The following CDH23 variants were observed in gnomAD, a reference collection of about 807,000 sequenced individuals.
CDH23 encodes cadherin related 23.
In CDH23, 189 loss-of-function variants were observed where a neutral mutation model predicts 317.1. The ratio of observed to expected loss-of-function variants is 0.60; its 90% confidence interval spans 0.53 to 0.67. CDH23 has a LOEUF of 0.67. Among genes scored for constraint, CDH23 ranks in the 30% least tolerant of loss-of-function variants. CDH23 has a pLI of 0.00. For synonymous variants in CDH23, 1,839 were observed against 1,876.8 expected (o/e 0.98, Z 0.52); for missense variants, 4,401 against 4,592.4 (o/e 0.96, Z 1.20).
chr10:71,444,152 G>A (rs1406631405), intron 2 of CDH23, among the ~76,000 whole-genome samples: 2 of 152,348 alleles, frequency 1.3e-5, no homozygotes, highest in African/African-American at 2.4e-5. Flanking sequence ...AAGCCTTCCC[G>A]TCGGCTGCAA....
chr10:71,685,573 A>T (rs1864840429), intron 18 of CDH23, among the ~76,000 whole-genome samples: 1 of 152,238 alleles, frequency 6.6e-6, no homozygotes. Context: ...TTGGGAAGCC[A>T]GGGTGTGCCC....
chr10:71,573,441 G>C (rs11596473), intron 8 of CDH23, among the ~76,000 whole-genome samples: 1,867 of 152,266 alleles, frequency 0.012, 23 homozygotes, highest in Non-Finnish European at 0.018. Flanking sequence ...CATTGATGCG[G>C]CTGGTCCCAT....
At chr10:71,515,046 C>T (rs1854209208) in intron 6 of CDH23, among the ~76,000 whole-genome samples, 2 of 152,222 alleles carry the variant, frequency 1.3e-5, no homozygotes, top group African/African-American at 4.8e-5. Flanking sequence ...CTCAGCCCTC[C>T]AGTGTGCCCC....
Position 71,791,220 on chromosome 10 carries a change from C to A in CDH23, c.6138C>A (p.Ile2046=), listed in dbSNP as rs568741210. The A allele has an allele frequency of 6.2e-7, 1 of 1,613,682 alleles. No individual in the cohort carries two copies. Among genetic ancestry groups the A allele is most frequent in the East Asian group, 2.2e-5 (1 of 44,872 alleles). ...ILELLLLAED[I]GLLNSTAHLL... The stretch of plus-strand genomic sequence containing the variant: ...AGCTGCTGCTGCTGGCTGAGGACAT[C>A]GGGCTGCTCAACAGCACGGCCCACC... Residue 2046 remains isoleucine (I), a synonymous_variant, in exon 47 of 70, where the codon ATC becomes ATA. Transcript: ENST00000224721.
chr10:71,432,248 A>G (rs776858522), intron 1 of CDH23, among the ~76,000 whole-genome samples: 10 of 149,030 alleles, frequency 6.7e-5, no homozygotes, highest in South Asian at 2.1e-4. Context: ...GTGTGTGTGC[A>G]TGTGTTTGAG....
At chr10:71,589,677 G>A (rs1401658906) in intron 9 of CDH23, among the ~76,000 whole-genome samples, 2 of 152,240 alleles carry the variant, frequency 1.3e-5, no homozygotes, top group Admixed American at 6.5e-5. Flanking sequence ...TGGGGAGATG[G>A]TGAGGAAGAA....
chr10:71,502,783 G>T (rs1853410400), intron 3 of CDH23, among the ~76,000 whole-genome samples: 1 of 152,208 alleles, frequency 6.6e-6, no homozygotes, highest in Admixed American at 6.5e-5. Context: ...GTGCTTTAAG[G>T]AGATGCTGCT....
At chr10:71,715,368 C>T (rs1002877181) in intron 28 of CDH23, 2 of 152,208 alleles carry the variant, frequency 1.3e-5, no homozygotes, top group Non-Finnish European at 2.9e-5. Context: ...ATCTGTTCCA[C>T]CAGGAGGGAG....
chr10:71,634,888 A>AC (rs1462971110), intron 11 of CDH23, among the ~76,000 whole-genome samples: 4 of 152,140 alleles, frequency 2.6e-5, no homozygotes, highest in African/African-American at 9.7e-5. Context: ...GGGGAGCCTC[A>AC]CCCTCCTGGC....
intron 1 of CDH23, among the ~76,000 whole-genome samples, chr10:71,404,680 C>T (rs1848015004): frequency 6.6e-6 from 1 of 152,226 alleles, no homozygotes; most frequent in Admixed American, 6.5e-5. Flanking sequence ...GCGGGCATGC[C>T]TTGTCTTTCA....
In CDH23 at chr10:71,705,042, C is replaced by G. The variant is rs79636933; in HGVS notation, c.2865C>G (p.Arg955=). The change falls in exon 25 of 70, where the codon CGC becomes CGG. Residue 955 remains arginine, a synonymous_variant. Coordinates refer to ENST00000224721, the MANE Select transcript of CDH23 (RefSeq NM_022124.6). Reference sequence around the variant, plus strand: ...TGGTCACCACCACCGAGCTGGACCGCGAGCGCATCGCGGAGTACCAGCTGC... The same window carrying G: ...TGGTCACCACCACCGAGCTGGACCGGGAGCGCATCGCGGAGTACCAGCTGC... The part of the protein sequence containing the change: ...GVVVTTTELD[R]ERIAEYQLRV... 9 of 1,612,582 alleles carry G rather than the reference C, an allele frequency of 5.6e-6. No homozygotes were observed. The East Asian group carries it at 2.0e-4, about 36-fold the overall frequency.
At chr10:71,656,318 A>T (rs1040746817) in intron 14 of CDH23, among the ~76,000 whole-genome samples, 1 of 152,218 alleles carries the variant, frequency 6.6e-6, no homozygotes, top group Non-Finnish European at 1.5e-5. Flanking sequence ...ACTTCTGGGC[A>T]GGGCCAGGTG....
At chr10:71,615,455 C>G (rs1422423989) in intron 9 of CDH23, 49 bp from the exon 10 acceptor site, 2 of 1,217,984 alleles carry the variant, frequency 1.6e-6, no homozygotes, top group South Asian at 1.2e-5. Context: ...CAGCTCCATG[C>G]CCCCCTGCCC....
At chr10:71,665,420 A>T (rs1863845236) in intron 14 of CDH23, among the ~76,000 whole-genome samples, 1 of 152,178 alleles carries the variant, frequency 6.6e-6, no homozygotes. Context: ...GTTTGCTTTT[A>T]CAAATGCAAG....
intron 11 of CDH23, among the ~76,000 whole-genome samples, chr10:71,617,849 G>A (rs952055133): frequency 9.2e-5 from 14 of 152,020 alleles, no homozygotes; most frequent in South Asian, 8.3e-4. Context: ...AAAATTAGCC[G>A]GGCGTGGTGG....
chr10:71,595,839 C>T (rs1366526961), intron 9 of CDH23, among the ~76,000 whole-genome samples: 3 of 152,222 alleles, frequency 2.0e-5, no homozygotes, highest in Non-Finnish European at 4.4e-5. Flanking sequence ...ACCACCCACA[C>T]CCATATCCAA....
At chr10:71,423,880 G>A (rs1003717278) in intron 1 of CDH23, among the ~76,000 whole-genome samples, 7 of 152,200 alleles carry the variant, frequency 4.6e-5, no homozygotes, top group African/African-American at 1.7e-4. Context: ...GCCTGGTCTG[G>A]GTCTGCCCTG....
intron 38 of CDH23, among the ~76,000 whole-genome samples, chr10:71,747,396 C>T (rs574420318): frequency 3.9e-5 from 6 of 152,338 alleles, no homozygotes; most frequent in South Asian, 2.1e-4. Flanking sequence ...CAGATAGGAA[C>T]GTTTCTGGTG....
chr10:71,760,904 A>C (rs1258595498), intron 38 of CDH23: 1 of 1,613,700 alleles, frequency 6.2e-7, no homozygotes, highest in Non-Finnish European at 8.5e-7. Flanking sequence ...TACACCACAC[A>C]GTTGGATGGT....
Sources: allele counts gnomAD v4.1 joint callset (sites outside exome capture counted in the v4.1 genomes callset), GRCh38; gene constraint gnomAD v4.1.1; transcripts MANE v1.5; gene names NCBI Gene and HGNC (gene_info 2026-07-23, HGNC 2026-07-21).